The following ST3GAL3 variants were observed in gnomAD, a reference collection of about 807,000 sequenced individuals.
ST3GAL3 encodes CMP-N-acetylneuraminate-beta-1,4-galactoside alpha-2,3-sialyltransferase.
In ST3GAL3, 21 loss-of-function variants were observed where a neutral mutation model predicts 50.1. The ratio of observed to expected loss-of-function variants is 0.42; its 90% CI spans 0.30 to 0.60. The LOEUF (loss-of-function observed/expected upper bound fraction) is 0.60, where lower values mean the gene tolerates loss of function less well. Among genes scored for constraint, ST3GAL3 ranks in the 20% least tolerant of loss-of-function variants. The pLI, the probability that ST3GAL3 is intolerant of heterozygous loss-of-function variation, is 0.19. For synonymous variants in ST3GAL3, 183 were observed against 190.0 expected (o/e 0.96, Z 0.30); for missense variants, 353 against 489.4 (o/e 0.72, Z 2.63).
intron 2 of ST3GAL3, among the ~76,000 whole-genome samples, chr1:43,783,823 C>T (rs571088887): frequency 1.3e-5 from 2 of 152,218 alleles, no homozygotes; most frequent in South Asian, 4.2e-4. Context: ...AACGCTGTTG[C>T]CCTAGGGGAT....
In ST3GAL3 at chr1:43,931,045, G is replaced by A. The variant is rs1191562446; in HGVS notation, c.*824G>A. The A allele has an allele frequency of 6.5e-6, 1 of 152,948 alleles. No individual in the cohort carries two copies. The highest frequency in any genetic ancestry group is 2.4e-5 in the African/African-American group (1 of 41,446). The allele number at this position is 152,948 out of a possible 1,614,324, so 9.5% of individuals were successfully genotyped here. ...TAGGTTTCAGCAACAAGACTGCCAG[G>A]TGGTTGGGTTCTGCCTTTAGCCTGG... On this transcript the variant is annotated 3_prime_UTR_variant, in exon 12 of 12. Coordinates refer to ENST00000347631, the MANE Select transcript of ST3GAL3 (RefSeq NM_006279.5).
rs146881725 is a variant in ST3GAL3 at position 43,821,836 on chromosome 1, T to C, written c.209+6903T>C. Among the ~76,000 whole-genome samples, 298 of 152,294 alleles carry C rather than the reference T, an allele frequency of 2.0e-3. 1 individual carries two copies. The highest frequency in any genetic ancestry group is 0.014 in the Middle Eastern group (4 of 294). On this transcript the variant is annotated intron_variant, in intron 4 of 11. Transcript: ENST00000347631. ...CTCGAAAAGTCTCAGGGGTAAAGGCTCTTGCCCCGACAACAAAGTGGATAC... is the reference window on the plus strand; with the variant it reads ...CTCGAAAAGTCTCAGGGGTAAAGGCCCTTGCCCCGACAACAAAGTGGATAC...
chr1:43,708,501 T>C (rs188676326), intron 1 of ST3GAL3, among the ~76,000 whole-genome samples: 1 of 152,344 alleles, frequency 6.6e-6, no homozygotes, highest in Admixed American at 6.5e-5. Flanking sequence ...AAAAAACTCT[T>C]ATTAGGTTAC....
chr1:43,795,569 T>C (rs556569881), intron 3 of ST3GAL3, among the ~76,000 whole-genome samples: 2 of 152,338 alleles, frequency 1.3e-5, no homozygotes, highest in East Asian at 1.9e-4. Context: ...TTTACTGTTT[T>C]ATTTGGAGAG....
intron 9 of ST3GAL3, among the ~76,000 whole-genome samples, chr1:43,908,491 TTC>T (rs2080204413): frequency 6.6e-6 from 1 of 152,156 alleles, no homozygotes; most frequent in African/African-American, 2.4e-5. Context: ...GGGCCCAGCG[TTC>T]TCTTTTAATA....
At chr1:43,861,888 C>T (rs2070033031) in intron 5 of ST3GAL3, among the ~76,000 whole-genome samples, 1 of 152,108 alleles carries the variant, frequency 6.6e-6, no homozygotes, top group South Asian at 2.1e-4. Flanking sequence ...ATTAGCCGGG[C>T]GTGTTGGCAC....
chr1:43,782,629 C>T (rs780303900), intron 2 of ST3GAL3, among the ~76,000 whole-genome samples: 3 of 152,252 alleles, frequency 2.0e-5, no homozygotes, highest in African/African-American at 4.8e-5. Context: ...CTGTCATCAA[C>T]GGTGATGATG....
At chr1:43,879,890 G>A (rs1030609461) in intron 5 of ST3GAL3, among the ~76,000 whole-genome samples, 1 of 152,168 alleles carries the variant, frequency 6.6e-6, no homozygotes, top group African/African-American at 2.4e-5. Flanking sequence ...GGGCCCAAAC[G>A]TGGTTGGATC....
At chr1:43,854,692 C>T (rs951772980) in intron 5 of ST3GAL3, among the ~76,000 whole-genome samples, 1 of 152,196 alleles carries the variant, frequency 6.6e-6, no homozygotes, top group Non-Finnish European at 1.5e-5. Flanking sequence ...TTGGATGACT[C>T]AAAAGCATCA....
intron 6 of ST3GAL3, 36 bp from the exon 7 acceptor site, chr1:43,898,199 G>T (rs1252879099): frequency 6.2e-7 from 1 of 1,609,548 alleles, no homozygotes; most frequent in South Asian, 1.1e-5. Flanking sequence ...AAAGGTAAGT[G>T]ACCCTGTAAC....
intron 5 of ST3GAL3, among the ~76,000 whole-genome samples, chr1:43,871,003 C>T (rs546965911): frequency 3.9e-4 from 59 of 152,258 alleles, no homozygotes; most frequent in Non-Finnish European, 4.4e-5. Context: ...TGCCAGAAAG[C>T]TTGGCCCAGA....
intron 1 of ST3GAL3, among the ~76,000 whole-genome samples, chr1:43,721,996 C>A (rs1199761868): frequency 6.6e-6 from 1 of 151,960 alleles, no homozygotes; most frequent in East Asian, 1.9e-4. Context: ...AAATGGTGAA[C>A]AAAATAGACA....
At chr1:43,813,860 GACACACACACACACAC>G (rs57947852) in intron 3 of ST3GAL3, among the ~76,000 whole-genome samples, 6 of 144,632 alleles carry the variant, frequency 4.1e-5, no homozygotes, top group Middle Eastern at 3.4e-3. Flanking sequence ...TTTTTGGCTA[GACACACACACACACAC>G]ACACACACAC....
At chr1:43,778,198 G>A (rs1558256855) in intron 2 of ST3GAL3, among the ~76,000 whole-genome samples, 1 of 152,180 alleles carries the variant, frequency 6.6e-6, no homozygotes. Context: ...AAAACCGTAT[G>A]TTCTCATTTA....
chr1:43,838,554 C>A, intron 5 of ST3GAL3: 1 of 473,058 alleles, frequency 2.1e-6, no homozygotes, highest in Non-Finnish European at 3.9e-6. Context: ...AGAAGGATAA[C>A]CTACATGGTT....
chr1:43,777,949 A>G (rs1366041767), intron 2 of ST3GAL3, among the ~76,000 whole-genome samples: 1 of 152,218 alleles, frequency 6.6e-6, no homozygotes, highest in Non-Finnish European at 1.5e-5. Context: ...AAAAATATAA[A>G]TCATTCTATT....
chr1:43,783,003 G>A (rs1036870510), intron 2 of ST3GAL3, among the ~76,000 whole-genome samples: 3 of 152,138 alleles, frequency 2.0e-5, no homozygotes, highest in African/African-American at 7.2e-5. Context: ...TGTGCAGTAT[G>A]CTGCTTTCCT....
At chr1:43,846,697 C>A (rs1374450269) in intron 5 of ST3GAL3, among the ~76,000 whole-genome samples, 1 of 152,180 alleles carries the variant, frequency 6.6e-6, no homozygotes, top group Admixed American at 6.5e-5. Flanking sequence ...CAAGACTTTG[C>A]CATGTTGCCT....
chr1:43,710,424 T>G (rs1253939317), intron 1 of ST3GAL3, among the ~76,000 whole-genome samples: 7 of 152,208 alleles, frequency 4.6e-5, no homozygotes, highest in Non-Finnish European at 5.9e-5. Flanking sequence ...CACACTGATC[T>G]GGGGCCATTG....
Sources: allele counts gnomAD v4.1 joint callset (sites outside exome capture counted in the v4.1 genomes callset), GRCh38; gene constraint gnomAD v4.1.1; transcripts MANE v1.5; gene names NCBI Gene and HGNC (gene_info 2026-07-23, HGNC 2026-07-21).